The following NRXN3 variants were observed in gnomAD, a reference collection of about 807,000 sequenced individuals.
The protein encoded by NRXN3 is neurexin III.
NRXN3 carries 32 observed loss-of-function variants against 137.6 expected under a neutral mutation model. The observed-to-expected ratio is 0.23, with a 90% CI of 0.18 to 0.31. The LOEUF (loss-of-function observed/expected upper bound fraction) is 0.31, where lower values mean the gene tolerates loss of function less well. Among genes scored for constraint, NRXN3 ranks in the 10% least tolerant of loss-of-function variants. NRXN3 has a pLI of 1.00. For missense variants in NRXN3, 1,574 were observed against 2,062.5 expected, an observed-to-expected ratio of 0.76 and a Z score of 4.59; for synonymous variants, 798 against 784.5, an observed-to-expected ratio of 1.02 and a Z score of -0.29.
rs139949720 is a variant in NRXN3 at position 78,193,599 on chromosome 14, T to C, written c.-704+22925T>C. Among the ~76,000 whole-genome samples the C allele has an allele frequency of 6.6e-5, 10 of 151,958 alleles. No individual in the cohort carries two copies. In the East Asian group the frequency reaches 1.9e-3, roughly 29 times the overall value. On this transcript the variant is annotated intron_variant, in intron 1 of 20. Coordinates refer to ENST00000335750, the MANE Select transcript of NRXN3 (RefSeq NM_001330195.2). ...CAACATGGTGAAACCCCATCTCTAC[T>C]AAAAATACAAAAATTAGCTGGATGT... is the stretch of plus-strand genomic sequence containing the variant.
chr14:79,489,523 A>C (rs74070209), intron 16 of NRXN3, among the ~76,000 whole-genome samples: 3,905 of 152,252 alleles, frequency 0.026, 189 homozygotes, highest in African/African-American at 0.089. Flanking sequence ...CCTACTACAG[A>C]CACCGGGCTC....
At chr14:79,734,332 G>A (rs1315409135) in intron 19 of NRXN3, among the ~76,000 whole-genome samples, 3 of 152,168 alleles carry the variant, frequency 2.0e-5, no homozygotes, top group Non-Finnish European at 2.9e-5. Context: ...GTCAACTTGG[G>A]AATGCTGAAT....
intron 1 of NRXN3, among the ~76,000 whole-genome samples, chr14:78,226,713 G>A (rs2153431826): frequency 6.6e-6 from 1 of 152,122 alleles, no homozygotes; most frequent in East Asian, 1.9e-4. Context: ...TTGAGTCTTG[G>A]GTTTGAAAAA....
At chr14:79,288,653 C>T (rs932395241) in intron 15 of NRXN3, among the ~76,000 whole-genome samples, 1 of 152,154 alleles carries the variant, frequency 6.6e-6, no homozygotes, top group African/African-American at 2.4e-5. Context: ...TCTGCTGTAC[C>T]ACACAGTCTG....
intron 15 of NRXN3, among the ~76,000 whole-genome samples, chr14:79,204,263 T>C (rs1455607968): frequency 2.6e-5 from 4 of 151,784 alleles, no homozygotes; most frequent in Non-Finnish European, 4.4e-5. Context: ...TTCTGCTTGC[T>C]CTGGTATATG....
intron 4 of NRXN3, among the ~76,000 whole-genome samples, chr14:78,397,395 C>T (rs2091574822): frequency 6.6e-6 from 1 of 152,056 alleles, no homozygotes; most frequent in African/African-American, 2.4e-5. Flanking sequence ...GTCTATCTTC[C>T]AATTAATTGA....
intron 10 of NRXN3, among the ~76,000 whole-genome samples, chr14:78,925,347 G>A (rs2099284460): frequency 6.6e-6 from 1 of 152,126 alleles, no homozygotes; most frequent in Non-Finnish European, 1.5e-5. Flanking sequence ...CATTCTTCTT[G>A]TATGAACACT....
At chr14:78,704,762 G>A (rs973422028) in intron 6 of NRXN3, among the ~76,000 whole-genome samples, 1 of 152,252 alleles carries the variant, frequency 6.6e-6, no homozygotes, top group East Asian at 1.9e-4. Context: ...CTCCATGTCT[G>A]TAAAATGGGG....
At chr14:78,855,532 C>T (rs1281581816) in intron 10 of NRXN3, among the ~76,000 whole-genome samples, 1 of 152,178 alleles carries the variant, frequency 6.6e-6, no homozygotes, top group Non-Finnish European at 1.5e-5. Flanking sequence ...CCTCTTTATA[C>T]AGTGTTTCAT....
chr14:79,782,936 C>T (rs886541003), intron 19 of NRXN3, among the ~76,000 whole-genome samples: 3 of 152,122 alleles, frequency 2.0e-5, no homozygotes, highest in Non-Finnish European at 4.4e-5. Context: ...GGAATAACTC[C>T]TTGAAGTGTC....
rs572527849 is a variant in NRXN3 at position 78,303,298 on chromosome 14, A to C, written c.757+5438A>C. Among the ~76,000 whole-genome samples, 6 of 151,866 alleles carry C rather than the reference A, an allele frequency of 4.0e-5. No individual in the cohort carries two copies. The South Asian group carries it at 8.4e-4, about 21-fold the overall frequency. On this transcript the variant is annotated intron_variant, in intron 4 of 20. Coordinates refer to ENST00000335750, the MANE Select transcript of NRXN3 (RefSeq NM_001330195.2). ...TCAGAGTTGGGCTCTTCCTCCATGT[A>C]CCTCTCTAACAATTTATATGGAAGT...
chr14:79,199,828 T>C (rs1241598995), intron 15 of NRXN3, among the ~76,000 whole-genome samples: 2 of 152,072 alleles, frequency 1.3e-5, no homozygotes, highest in African/African-American at 2.4e-5. Flanking sequence ...TTGGTTCAAG[T>C]AGAAAGGTTT....
chr14:79,702,360 A>C (rs1030358394), intron 19 of NRXN3, among the ~76,000 whole-genome samples: 1 of 152,056 alleles, frequency 6.6e-6, no homozygotes, highest in Non-Finnish European at 1.5e-5. Flanking sequence ...TGAGCTATCC[A>C]TATGAAGTAG....
chr14:79,414,929 G>C (rs2095474908), intron 15 of NRXN3, among the ~76,000 whole-genome samples: 1 of 151,950 alleles, frequency 6.6e-6, no homozygotes, highest in Non-Finnish European at 1.5e-5. Flanking sequence ...AACTTTTTTA[G>C]ATTCAATATA....
chr14:78,450,117 C>A (rs1295748136), intron 4 of NRXN3, among the ~76,000 whole-genome samples: 1 of 152,116 alleles, frequency 6.6e-6, no homozygotes, highest in African/African-American at 2.4e-5. Context: ...GCAAGAAATC[C>A]ATCAATCTGC....
At chr14:79,372,591 A>C (rs2094142855) in intron 15 of NRXN3, among the ~76,000 whole-genome samples, 1 of 152,142 alleles carries the variant, frequency 6.6e-6, no homozygotes, top group African/African-American at 2.4e-5. Context: ...AAGATCAGAG[A>C]TACCCCTCTC....
chr14:78,289,409 A>G (rs900077592), intron 3 of NRXN3, among the ~76,000 whole-genome samples: 2 of 152,148 alleles, frequency 1.3e-5, no homozygotes, highest in Non-Finnish European at 2.9e-5. Context: ...GTCCTGCCCA[A>G]TATGTTGCTT....
chr14:78,506,170 CTA>C (rs2095986288), intron 4 of NRXN3, among the ~76,000 whole-genome samples: 1 of 152,182 alleles, frequency 6.6e-6, no homozygotes, highest in South Asian at 2.1e-4. Context: ...CTCTCTGCTT[CTA>C]TGAGTTTGAC....
At chr14:78,910,572 G>A (rs1281173168) in intron 10 of NRXN3, among the ~76,000 whole-genome samples, 1 of 151,894 alleles carries the variant, frequency 6.6e-6, no homozygotes, top group Non-Finnish European at 1.5e-5. Flanking sequence ...TCTTTTAGCA[G>A]CTTGAATGTC....
Sources: allele counts gnomAD v4.1 joint callset (sites outside exome capture counted in the v4.1 genomes callset), GRCh38; gene constraint gnomAD v4.1.1; transcripts MANE v1.5; gene names NCBI Gene and HGNC (gene_info 2026-07-23, HGNC 2026-07-21).